Variants in SOX5 observed in about 807,000 individuals in gnomAD.
SOX5 encodes SRY-box transcription factor 5.
A neutral mutation model predicts 92.0 loss-of-function variants in SOX5; 9 were observed. That is an observed-to-expected ratio of 0.10 (90% CI 0.06 to 0.17). The LOEUF (loss-of-function observed/expected upper bound fraction) is 0.17. Ranked by LOEUF, SOX5 falls within the 10% of genes least tolerant of loss-of-function variation. The pLI, the probability that SOX5 is intolerant of heterozygous loss-of-function variation, is 1.00. For missense variants in SOX5, 642 were observed against 944.5 expected (o/e 0.68, Z 4.20); for synonymous variants, 344 against 336.3 (o/e 1.02, Z -0.25).
intron 4 of SOX5, among the ~76,000 whole-genome samples, chr12:24,052,537 T>C (rs1957662049): frequency 6.6e-6 from 1 of 152,198 alleles, no homozygotes; most frequent in Admixed American, 6.5e-5. Flanking sequence ...ATATGAGTTT[T>C]CTAATTTTGC....
At chr12:24,148,234 C>T (rs1043409826) in intron 4 of SOX5, among the ~76,000 whole-genome samples, 12 of 152,048 alleles carry the variant, frequency 7.9e-5, no homozygotes, top group African/African-American at 2.2e-4. Context: ...TGGCGGCTCA[C>T]GCCTGTAATC....
chr12:24,306,368 G>A (rs1948562320), intron 2 of SOX5, among the ~76,000 whole-genome samples: 1 of 152,184 alleles, frequency 6.6e-6, no homozygotes, highest in African/African-American at 2.4e-5. Flanking sequence ...AATGGGCAAT[G>A]GCCCTCAATC....
At chr12:24,539,266 A>G (rs976332460) in intron 1 of SOX5, among the ~76,000 whole-genome samples, 1 of 152,190 alleles carries the variant, frequency 6.6e-6, no homozygotes, top group African/African-American at 2.4e-5. Context: ...GTAAGAAAAA[A>G]AACAACTGGG....
chr12:23,660,234 G>A (rs755627655), intron 7 of SOX5, among the ~76,000 whole-genome samples: 8 of 152,072 alleles, frequency 5.3e-5, no homozygotes, highest in Non-Finnish European at 7.4e-5. Context: ...TATTTTGCTC[G>A]TACTACATTA....
At chr12:24,035,091 G>C (rs1451887969) in intron 4 of SOX5, among the ~76,000 whole-genome samples, 1 of 152,002 alleles carries the variant, frequency 6.6e-6, no homozygotes, top group Admixed American at 6.6e-5. Flanking sequence ...TCTGTACCTA[G>C]CAAATTATTA....
At chr12:24,105,093 C>A (rs1569543422) in intron 4 of SOX5, among the ~76,000 whole-genome samples, 1 of 152,108 alleles carries the variant, frequency 6.6e-6, no homozygotes, top group Non-Finnish European at 1.5e-5. Flanking sequence ...TCATTTATAT[C>A]ATTGGTAGCT....
chr12:23,543,433 C>T, intron 12 of SOX5, 49 bp from the exon 13 acceptor site: 1 of 1,457,044 alleles, frequency 6.9e-7, no homozygotes, highest in Non-Finnish European at 9.5e-7. Flanking sequence ...CTTTTGTCAG[C>T]TCTTTTCCTT....
intron 2 of SOX5, among the ~76,000 whole-genome samples, chr12:24,327,025 A>G (rs944726088): frequency 3.9e-5 from 6 of 152,194 alleles, no homozygotes; most frequent in Admixed American, 1.3e-4. Flanking sequence ...TGCTCAATAA[A>G]TATGTTGTAT....
In SOX5 at chr12:24,435,163, C is replaced by T. The variant is rs1269827955; in HGVS notation, c.-250-66524G>A. Among the ~76,000 whole-genome samples, 3 of 152,306 alleles carry T rather than the reference C, an allele frequency of 2.0e-5. No individual in the cohort carries two copies. The South Asian group carries it at 6.2e-4, about 32-fold the overall frequency. ...GGGCCTGTGAGGGAAAAAAAGTATA[C>T]AGAGTTTTCTCTGGAGATACTAGCT... is the stretch of plus-strand genomic sequence containing the variant. On this transcript the variant is annotated intron_variant, in intron 1 of 4. Coordinates refer to the SOX5 transcript ENST00000446891.
At chr12:23,646,802 A>C (rs1324154382) in intron 7 of SOX5, among the ~76,000 whole-genome samples, 1 of 152,156 alleles carries the variant, frequency 6.6e-6, no homozygotes, top group African/African-American at 2.4e-5. Flanking sequence ...TCACATCTTC[A>C]AGCTCCATTT....
At chr12:23,829,084 C>G (rs2096275011) in intron 3 of SOX5, among the ~76,000 whole-genome samples, 2 of 152,010 alleles carry the variant, frequency 1.3e-5, no homozygotes, top group South Asian at 4.1e-4. Flanking sequence ...GACTCTAGTG[C>G]TGTCCATGCC....
chr12:24,488,675 T>A (rs1011042851), intron 1 of SOX5, among the ~76,000 whole-genome samples: 9 of 152,202 alleles, frequency 5.9e-5, no homozygotes, highest in Non-Finnish European at 7.4e-5. Flanking sequence ...GTTCAATATC[T>A]AATCTTTTAT....
At chr12:24,420,988 A>G (rs1216347704) in intron 1 of SOX5, among the ~76,000 whole-genome samples, 1 of 149,706 alleles carries the variant, frequency 6.7e-6, no homozygotes, top group East Asian at 1.9e-4. Flanking sequence ...TCTTTAGCAG[A>G]TAAGTTGTAA....
chr12:24,431,047 C>T (rs1336202334), intron 1 of SOX5, among the ~76,000 whole-genome samples: 2 of 152,102 alleles, frequency 1.3e-5, no homozygotes, highest in African/African-American at 4.8e-5. Context: ...CATAGATGAG[C>T]AAATATAAAG....
intron 2 of SOX5, among the ~76,000 whole-genome samples, chr12:23,857,899 A>AT (rs1260977348): frequency 1.3e-5 from 2 of 151,800 alleles, no homozygotes; most frequent in African/African-American, 2.4e-5. Context: ...CACTTGGCTA[A>AT]TTTTTTGTAT....
intron 10 of SOX5, among the ~76,000 whole-genome samples, chr12:23,570,930 AATATATATATATATATATATATATATAT>A (rs1164831816): frequency 4.0e-4 from 8 of 19,938 alleles, no homozygotes; most frequent in East Asian, 1.7e-3. Flanking sequence ...AAAAAAAAAA[AATATATATATATATATATATATATATAT>A]ATATATATAT....
intron 6 of SOX5, among the ~76,000 whole-genome samples, chr12:23,680,708 T>C (rs1464863307): frequency 6.6e-6 from 1 of 152,066 alleles, no homozygotes; most frequent in Non-Finnish European, 1.5e-5. Context: ...CAATACTCTG[T>C]TATAAAACTA....
chr12:24,012,054 T>C (rs922701383), intron 4 of SOX5, among the ~76,000 whole-genome samples: 7 of 152,182 alleles, frequency 4.6e-5, no homozygotes, highest in Admixed American at 2.0e-4. Flanking sequence ...AGATCACTTT[T>C]GCTAACTTTT....
At chr12:23,636,534 C>T (rs1165529222) in intron 8 of SOX5, among the ~76,000 whole-genome samples, 9 of 152,092 alleles carry the variant, frequency 5.9e-5, no homozygotes, top group Non-Finnish European at 1.5e-5. Context: ...AATGAAAACA[C>T]ATATGGTAGG....
Sources: allele counts gnomAD v4.1 joint callset (sites outside exome capture counted in the v4.1 genomes callset), GRCh38; gene constraint gnomAD v4.1.1; transcripts MANE v1.5; gene names NCBI Gene and HGNC (gene_info 2026-07-23, HGNC 2026-07-21).